The following PRDM2 variants were observed in gnomAD, a reference collection of about 807,000 sequenced individuals.
PRDM2 encodes PR/SET domain 2, also known as PR domain zinc finger protein 2.
Under a neutral mutation model 130.0 loss-of-function variants are expected in PRDM2, and 30 were observed. The ratio of observed to expected loss-of-function variants is 0.23; its 90% CI spans 0.17 to 0.31. The LOEUF (loss-of-function observed/expected upper bound fraction) is 0.31. Ranked by LOEUF, PRDM2 falls within the 10% of genes least tolerant of loss-of-function variation. The pLI, the probability that PRDM2 is intolerant of heterozygous loss-of-function variation, is 1.00. For synonymous variants in PRDM2, 871 were observed against 782.4 expected (o/e 1.11, Z -1.89); for missense variants, 2,011 against 2,108.4 (o/e 0.95, Z 0.90).
At chr1:13,808,664 CA>C (rs1557673938) in intron 8 of PRDM2, among the ~76,000 whole-genome samples, 1 of 152,062 alleles carries the variant, frequency 6.6e-6, no homozygotes, top group Non-Finnish European at 1.5e-5. Context: ...GGGAATATCA[CA>C]GAGTCTTGAA....
At chr1:13,724,729 G>A (rs1642851926) in intron 2 of PRDM2, among the ~76,000 whole-genome samples, 6 of 151,936 alleles carry the variant, frequency 3.9e-5, no homozygotes, top group South Asian at 4.2e-4. Context: ...TCCTGACCTC[G>A]TGATCCACCC....
At chr1:13,812,174 G>A (rs72869966) in intron 8 of PRDM2, among the ~76,000 whole-genome samples, 1,803 of 151,764 alleles carry the variant, frequency 0.012, 36 homozygotes, top group African/African-American at 0.042. Flanking sequence ...GTGCAGCGTC[G>A]AAGTGGGGAC....
chr1:13,728,680 C>G (rs1643004824), intron 2 of PRDM2, among the ~76,000 whole-genome samples: 1 of 151,502 alleles, frequency 6.6e-6, no homozygotes, highest in African/African-American at 2.4e-5. Flanking sequence ...TCTAGTGGGA[C>G]AAGATGTGGA....
chr1:13,821,545 C>G (rs1195474067), intron 9 of PRDM2, among the ~76,000 whole-genome samples: 1 of 151,960 alleles, frequency 6.6e-6, no homozygotes, highest in Admixed American at 6.6e-5. Flanking sequence ...TCGCTGCAAC[C>G]TCTGTCTCCC....
intron 8 of PRDM2, among the ~76,000 whole-genome samples, chr1:13,789,136 A>G (rs1644798270): frequency 6.6e-6 from 1 of 152,180 alleles, no homozygotes; most frequent in Non-Finnish European, 1.5e-5. Context: ...GAACCACATC[A>G]CATCCATCTC....
intron 1 of PRDM2, among the ~76,000 whole-genome samples, chr1:13,712,533 G>A (rs1175973821): frequency 6.6e-6 from 1 of 152,024 alleles, no homozygotes; most frequent in Non-Finnish European, 1.5e-5. Context: ...ATCTAAAACT[G>A]CAGCACATTT....
At chr1:13,797,355 G>T (rs1644938250) in intron 8 of PRDM2, among the ~76,000 whole-genome samples, 1 of 152,188 alleles carries the variant, frequency 6.6e-6, no homozygotes, top group Non-Finnish European at 1.5e-5. Flanking sequence ...AAACAAATCT[G>T]TGTTAACTTT....
intron 5 of PRDM2, among the ~76,000 whole-genome samples, chr1:13,748,266 C>T (rs1403754772): frequency 6.6e-6 from 1 of 152,124 alleles, no homozygotes; most frequent in African/African-American, 2.4e-5. Context: ...TTTTGTTACT[C>T]CTCAAACTTT....
chr1:13,734,088 T>C (rs1476978619), intron 4 of PRDM2, among the ~76,000 whole-genome samples: 1 of 152,242 alleles, frequency 6.6e-6, no homozygotes, highest in African/African-American at 2.4e-5. Flanking sequence ...TATGAATTTG[T>C]TATAATGTAT....
intron 5 of PRDM2, among the ~76,000 whole-genome samples, chr1:13,742,924 T>C (rs1643490279): frequency 6.6e-6 from 1 of 152,178 alleles, no homozygotes; most frequent in African/African-American, 2.4e-5. Context: ...TCTTCCTTTC[T>C]GCCAAATTTT....
At chr1:13,821,431 C>CATTTATTTATTT (rs112704883) in intron 9 of PRDM2, among the ~76,000 whole-genome samples, 76 of 138,282 alleles carry the variant, frequency 5.5e-4, no homozygotes, top group African/African-American at 9.4e-4. Flanking sequence ...ATGCAGTGAA[C>CATTTATTTATTT]ATTTATTTAT....
intron 4 of PRDM2, among the ~76,000 whole-genome samples, chr1:13,737,355 T>C (rs1165599759): frequency 6.6e-6 from 1 of 152,248 alleles, no homozygotes; most frequent in Non-Finnish European, 1.5e-5. Context: ...GGAACACAGC[T>C]CTGGTCATTC....
intron 7 of PRDM2, among the ~76,000 whole-genome samples, chr1:13,773,931 C>G (rs1644414253): frequency 6.6e-6 from 1 of 152,150 alleles, no homozygotes; most frequent in African/African-American, 2.4e-5. Context: ...CACTTTAATA[C>G]ATGTACGTTT....
At chr1:13,721,740 T>C (rs987263504) in intron 2 of PRDM2, among the ~76,000 whole-genome samples, 2 of 152,360 alleles carry the variant, frequency 1.3e-5, no homozygotes, top group South Asian at 2.1e-4. Context: ...TTTCCTCTTA[T>C]GTTAGGATAG....
At chr1:13,739,373 C>G (rs141150078) in intron 4 of PRDM2, among the ~76,000 whole-genome samples, 1 of 152,102 alleles carries the variant, frequency 6.6e-6, no homozygotes. Flanking sequence ...CAATCATCAA[C>G]GTATTGTGAA....
intron 8 of PRDM2, among the ~76,000 whole-genome samples, chr1:13,796,968 T>C (rs1390831258): frequency 6.6e-6 from 1 of 152,250 alleles, no homozygotes; most frequent in East Asian, 1.9e-4. Context: ...AATCAATTCC[T>C]TTCTCAGCAA....
rs745338682 is a variant in PRDM2 at position 13,780,321 on chromosome 1, C to G, written c.2526C>G (p.Val842=). ...CTGAGGGTACAGGCAAGACTCCAGT[C>G]CAGTGGGAATCTGTCTTAGATCTCA... The part of the protein sequence containing the change: ...QKAEGTGKTP[V]QWESVLDLSV... The change falls in exon 8 of 10, where the codon GTC becomes GTG. Residue 842 remains valine, a synonymous_variant. Transcript: ENST00000311066. 1.2e-6 allele frequency: 2 copies of G among 1,614,112 alleles called. No individual in the cohort carries two copies. The highest frequency in any genetic ancestry group is 2.2e-5 in the South Asian group (2 of 91,074).
intron 8 of PRDM2, chr1:13,787,007 TA>T (rs1644754863): frequency 5.0e-5 from 49 of 986,106 alleles, no homozygotes; most frequent in Non-Finnish European, 5.7e-5. Flanking sequence ...AAATTAATTA[TA>T]GACAGAGAGA....
chr1:13,760,470 G>A (rs530892917), intron 6 of PRDM2, among the ~76,000 whole-genome samples: 1 of 152,290 alleles, frequency 6.6e-6, no homozygotes, highest in South Asian at 2.1e-4. Context: ...CCTGGAGTGT[G>A]CGTGTATGTT....
Sources: allele counts gnomAD v4.1 joint callset (sites outside exome capture counted in the v4.1 genomes callset), GRCh38; gene constraint gnomAD v4.1.1; transcripts MANE v1.5; gene names NCBI Gene and HGNC (gene_info 2026-07-23, HGNC 2026-07-21).